Variants in ROBO2 observed in about 807,000 individuals in gnomAD.
ROBO2 encodes roundabout guidance receptor 2.
In ROBO2, 53 loss-of-function variants were observed where a neutral mutation model predicts 160.8. That is an observed-to-expected ratio of 0.33 (90% CI 0.26 to 0.41). The LOEUF (loss-of-function observed/expected upper bound fraction) is 0.41. Ranked by LOEUF, ROBO2 falls within the 10% of genes least tolerant of loss-of-function variation. The probability of loss-of-function intolerance (pLI) is 1.00; values close to 1 mark genes in which losing one functional copy is unlikely to be tolerated. For synonymous variants in ROBO2, 664 were observed against 611.7 expected, an observed-to-expected ratio of 1.09 and a Z score of -1.26; for missense variants, 1,577 against 1,722.4, an observed-to-expected ratio of 0.92 and a Z score of 1.49.
intron 2 of ROBO2, among the ~76,000 whole-genome samples, chr3:77,442,389 A>G (rs1369989788): frequency 6.6e-6 from 1 of 152,096 alleles, no homozygotes; most frequent in East Asian, 1.9e-4. Context: ...AAGAGAGAGT[A>G]TGGTCATTCT....
chr3:77,296,853 G>C (rs1230110096), intron 2 of ROBO2, among the ~76,000 whole-genome samples: 1 of 152,088 alleles, frequency 6.6e-6, no homozygotes, highest in Non-Finnish European at 1.5e-5. Flanking sequence ...ATACCGGTTT[G>C]GTGCTTTGCT....
chr3:77,423,714 A>G (rs975957475), intron 2 of ROBO2, among the ~76,000 whole-genome samples: 20 of 152,298 alleles, frequency 1.3e-4, no homozygotes, highest in African/African-American at 4.8e-4. Context: ...TACTGATTAT[A>G]CAGATTTTAC....
At chr3:76,115,380 T>C (rs2070423024) in intron 2 of ROBO2, among the ~76,000 whole-genome samples, 2 of 152,136 alleles carry the variant, frequency 1.3e-5, no homozygotes, top group African/African-American at 4.8e-5. Context: ...ATTTTAATTA[T>C]GTGAAAATTT....
chr3:77,628,067 G>GTAC (rs1478656970), intron 23 of ROBO2, among the ~76,000 whole-genome samples: 1 of 152,164 alleles, frequency 6.6e-6, no homozygotes, highest in Non-Finnish European at 1.5e-5. Context: ...CCTATGTGCA[G>GTAC]TACTACTTTA....
intron 2 of ROBO2, among the ~76,000 whole-genome samples, chr3:75,991,617 A>G (rs2065573971): frequency 6.6e-6 from 1 of 152,130 alleles, no homozygotes. Context: ...AAGCAAACTA[A>G]TACAGTAAAT....
chr3:76,355,512 G>A lies in ROBO2; in HGVS notation c.109+417910G>A, dbSNP rs146163065. ...TGAGAATTGGATGGCAACTGGTTGA[G>A]CTATGAGCTCATGGTTCTTAACTGT... On this transcript the variant is annotated intron_variant, in intron 2 of 26. Transcript: ENST00000487694. Among the ~76,000 whole-genome samples the A allele has an allele frequency of 4.1e-4, 63 of 151,830 alleles. 1 individual carries two copies. The East Asian group carries it at 9.9e-3, about 24-fold the overall frequency.
chr3:76,277,851 C>T (rs1296191450), intron 2 of ROBO2, among the ~76,000 whole-genome samples: 1 of 151,372 alleles, frequency 6.6e-6, no homozygotes, highest in African/African-American at 2.4e-5. Context: ...ATTGTGAGCC[C>T]TTCACTCCCA....
At chr3:76,813,071 A>C (rs941957669) in intron 2 of ROBO2, among the ~76,000 whole-genome samples, 4 of 152,020 alleles carry the variant, frequency 2.6e-5, no homozygotes, top group African/African-American at 9.7e-5. Flanking sequence ...AAGAATATTA[A>C]AACAATTTCT....
At chr3:76,212,778 C>A (rs868221352) in intron 2 of ROBO2, among the ~76,000 whole-genome samples, 22 of 151,910 alleles carry the variant, frequency 1.4e-4, no homozygotes, top group South Asian at 8.3e-4. Context: ...CTGAAATATC[C>A]CAGCATTCCT....
chr3:76,438,577 G>A (rs1263060150), intron 2 of ROBO2, among the ~76,000 whole-genome samples: 1 of 151,794 alleles, frequency 6.6e-6, no homozygotes, highest in African/African-American at 2.4e-5. Flanking sequence ...TATGATTATT[G>A]GCGAAGAACA....
At chr3:76,199,173 C>T (rs1048385642) in intron 2 of ROBO2, among the ~76,000 whole-genome samples, 1 of 152,052 alleles carries the variant, frequency 6.6e-6, no homozygotes, top group African/African-American at 2.4e-5. Flanking sequence ...ATCCATACAC[C>T]CAATTATCAG....
At chr3:76,083,697 A>G (rs1255900634) in intron 2 of ROBO2, among the ~76,000 whole-genome samples, 1 of 152,102 alleles carries the variant, frequency 6.6e-6, no homozygotes, top group Admixed American at 6.6e-5. Flanking sequence ...CCAAAATTCT[A>G]CACCTCCTAT....
At chr3:76,900,087 T>C (rs1478515366) in intron 2 of ROBO2, among the ~76,000 whole-genome samples, 1 of 152,054 alleles carries the variant, frequency 6.6e-6, no homozygotes, top group Non-Finnish European at 1.5e-5. Context: ...ACAGCTTAAG[T>C]GGATGGCAGC....
At chr3:76,944,803 G>A (rs2078411579) in intron 2 of ROBO2, among the ~76,000 whole-genome samples, 1 of 152,096 alleles carries the variant, frequency 6.6e-6, no homozygotes, top group African/African-American at 2.4e-5. Flanking sequence ...TGTAAGGTAA[G>A]ATGGACAGAT....
intron 23 of ROBO2, among the ~76,000 whole-genome samples, chr3:77,627,743 C>T (rs905791577): frequency 6.6e-6 from 1 of 152,024 alleles, no homozygotes; most frequent in Middle Eastern, 3.2e-3. Context: ...AATAGGTAGA[C>T]AAATAACATT....
intron 2 of ROBO2, among the ~76,000 whole-genome samples, chr3:76,191,109 A>G (rs1165338088): frequency 2.6e-5 from 4 of 152,266 alleles, no homozygotes. Flanking sequence ...GCTAATGGGC[A>G]GGTTTAGACT....
intron 23 of ROBO2, chr3:77,634,257 G>A (rs1446585302): frequency 1.3e-5 from 2 of 154,326 alleles, no homozygotes; most frequent in African/African-American, 4.8e-5. Flanking sequence ...GGATATACAA[G>A]GTGATTTTAA....
At chr3:76,906,261 A>G (rs1168968040) in intron 2 of ROBO2, among the ~76,000 whole-genome samples, 1 of 151,960 alleles carries the variant, frequency 6.6e-6, no homozygotes, top group East Asian at 1.9e-4. Context: ...TGACATAAGT[A>G]TTTATGTATG....
chr3:76,112,442 A>T (rs191340019), intron 2 of ROBO2, among the ~76,000 whole-genome samples: 1 of 152,128 alleles, frequency 6.6e-6, no homozygotes, highest in Non-Finnish European at 1.5e-5. Flanking sequence ...ATAACTGAAT[A>T]ATATTATCAA....
Sources: gnomAD v4.1 joint callset for allele counts (sites outside exome capture counted in the v4.1 genomes callset) on GRCh38, gnomAD v4.1.1 for gene constraint, MANE v1.5 for transcripts, NCBI Gene and HGNC (gene_info 2026-07-23, HGNC 2026-07-21) for gene names.